Variants in AP1B1 observed in about 807,000 individuals in gnomAD.
The protein encoded by AP1B1 is AP-1 complex subunit beta-1.
A neutral mutation model predicts 104.3 loss-of-function variants in AP1B1; 36 were observed. The observed-to-expected ratio is 0.35, with a 90% CI of 0.26 to 0.46. AP1B1 has a LOEUF of 0.46. AP1B1 is among the 20% of genes least tolerant of loss of function. The probability of loss-of-function intolerance (pLI) is 1.00; values close to 1 mark genes in which losing one functional copy is unlikely to be tolerated. For synonymous variants in AP1B1, 504 were observed against 517.5 expected, an observed-to-expected ratio of 0.97 and a Z score of 0.35; for missense variants, 901 against 1,247.9, an observed-to-expected ratio of 0.72 and a Z score of 4.19.
chr22:29,354,024 C>T (rs371462138), intron 7 of AP1B1, among the ~76,000 whole-genome samples: 11 of 152,336 alleles, frequency 7.2e-5, no homozygotes, highest in African/African-American at 2.6e-4. Context: ...GCCTACCCCC[C>T]ACTACCATAC....
Position 29,328,956 on chromosome 22 carries a change from GA to G in AP1B1, c.2776-62del. ...CATCCCTGGGGTTCCTCTCAGGAAG[GA>G]AAGGGGTGGGGAAGAGAGCAGGAAC... is the stretch of plus-strand genomic sequence containing the variant. On this transcript the variant is annotated intron_variant, in intron 22 of 22. Transcript: ENST00000357586. The surrounding 1 kb of genome is among the most constrained non-coding windows in gnomAD (Gnocchi z 4.1). 2 of 1,570,810 alleles carry G rather than the reference GA, an allele frequency of 1.3e-6. No homozygotes were observed. Among genetic ancestry groups the G allele is most frequent in the Non-Finnish European group, 1.7e-6 (2 of 1,161,132 alleles).
chr22:29,338,862 TG>T, intron 16 of AP1B1, 127 bp downstream of exon 16: 2 of 1,340,632 alleles, frequency 1.5e-6, no homozygotes, highest in Non-Finnish European at 2.0e-6. Flanking sequence ...GGTGCCCCTG[TG>T]GCCCCCAGCT....
At chr22:29,330,978 A>G (rs2061549231) in intron 19 of AP1B1, among the ~76,000 whole-genome samples, 2 of 152,100 alleles carry the variant, frequency 1.3e-5, no homozygotes, top group South Asian at 2.1e-4. Flanking sequence ...CTCCTCGGTG[A>G]GCAGCCTGCT....
intron 14 of AP1B1, among the ~76,000 whole-genome samples, chr22:29,340,403 G>C (rs1478820177): frequency 6.6e-6 from 1 of 152,122 alleles, no homozygotes; most frequent in Non-Finnish European, 1.5e-5. Flanking sequence ...GGACTCGAAG[G>C]TTCAACAAGG....
At chr22:29,333,911 A>C (rs1219684645) in intron 17 of AP1B1, among the ~76,000 whole-genome samples, 1 of 147,704 alleles carries the variant, frequency 6.8e-6, no homozygotes, top group Non-Finnish European at 1.5e-5. Flanking sequence ...TAAAAATACA[A>C]AAAATTAGCC....
Position 29,338,971 on chromosome 22 carries a change from C to G in AP1B1, c.2163+19G>C, listed in dbSNP as rs1486937461. ...TAACTTCTCTCTGCTCCCGCCAAGA[C>G]AGAAGACAAGTGACTTACTGCTTTG... On this transcript the variant is annotated intron_variant, in intron 16 of 22. Coordinates refer to ENST00000357586, the MANE Select transcript of AP1B1 (RefSeq NM_001127.4). 2 of 1,613,912 alleles carry G rather than the reference C, an allele frequency of 1.2e-6. No homozygotes were observed. The highest frequency in any genetic ancestry group is 2.2e-5 in the East Asian group (1 of 44,888).
At chr22:29,350,774 C>A (rs575263434) in intron 9 of AP1B1, among the ~76,000 whole-genome samples, 1 of 152,144 alleles carries the variant, frequency 6.6e-6, no homozygotes, top group African/African-American at 2.4e-5. Context: ...TCTAGAGTGG[C>A]CCTGGGACGC....
intron 19 of AP1B1, 31 bp downstream of exon 19, chr22:29,331,418 A>G (rs2061555479): frequency 6.2e-7 from 1 of 1,608,914 alleles, no homozygotes; most frequent in Non-Finnish European, 8.5e-7. Context: ...GCCCCATTTC[A>G]GGCACCCCAG....
At chr22:29,388,222 G>A (rs976642416) in intron 1 of AP1B1, among the ~76,000 whole-genome samples, 15 of 152,138 alleles carry the variant, frequency 9.9e-5, no homozygotes, top group African/African-American at 3.6e-4. Flanking sequence ...TGGGGCGGCC[G>A]AGGAACAGGC....
intron 8 of AP1B1, 97 bp downstream of exon 8, chr22:29,351,608 A>T: frequency 6.7e-7 from 1 of 1,492,340 alleles, no homozygotes; most frequent in Non-Finnish European, 9.1e-7. Context: ...ATAAACCGTT[A>T]ATGGTGAGAC....
At chr22:29,387,981 T>C (rs2062557734) in intron 1 of AP1B1, among the ~76,000 whole-genome samples, 1 of 152,226 alleles carries the variant, frequency 6.6e-6, no homozygotes, top group East Asian at 1.9e-4. Flanking sequence ...AGCCAGTGCC[T>C]AGCCGGAGGC....
rs956602388 is a variant in AP1B1, at chr22:29,329,209, G to A, written c.2776-314C>T. On this transcript the variant is annotated intron_variant, in intron 22 of 22. Coordinates refer to ENST00000357586, the MANE Select transcript of AP1B1 (RefSeq NM_001127.4). ...CCGGCCCCCACCCTGAGGGCTGCCC[G>A]GCCCCCCAGAGTCCCTGAAGGTCTG... 2.3e-5 allele frequency: 28 copies of A among 1,224,662 alleles called. No homozygotes were observed. The African/African-American group carries it at 3.0e-4, about 13-fold the overall frequency. 75.9% of individuals were successfully genotyped at this position (1,224,662 alleles called of 1,614,324 possible).
intron 16 of AP1B1, among the ~76,000 whole-genome samples, chr22:29,335,277 G>A (rs962394496): frequency 4.6e-5 from 7 of 152,218 alleles, no homozygotes; most frequent in African/African-American, 9.6e-5. Context: ...TCCTGTGGAC[G>A]GCTCACAGGC....
intron 21 of AP1B1, chr22:29,330,149 A>T (rs1224430603): frequency 5.6e-6 from 8 of 1,428,246 alleles, no homozygotes; most frequent in Non-Finnish European, 7.3e-6. Flanking sequence ...AATTTTACAC[A>T]ATCTTCTAGT....
chr22:29,360,510 C>T (rs931394983), intron 3 of AP1B1, among the ~76,000 whole-genome samples: 3 of 152,190 alleles, frequency 2.0e-5, no homozygotes, highest in African/African-American at 7.2e-5. Context: ...CAGGATGGCT[C>T]ATGCTGCTTT....
chr22:29,365,326 A>T (rs1002608896), intron 2 of AP1B1, among the ~76,000 whole-genome samples: 1 of 152,102 alleles, frequency 6.6e-6, no homozygotes, highest in African/African-American at 2.4e-5. Flanking sequence ...TCCCAAAAGA[A>T]ATCCACTAAA....
chr22:29,328,807 C>T lies in AP1B1; in HGVS notation c.*14G>A, dbSNP rs377604350. 874 of 1,599,558 alleles carry T rather than the reference C, an allele frequency of 5.5e-4. No individual in the cohort carries two copies. The highest frequency in any genetic ancestry group is 6.8e-4 in the Non-Finnish European group (794 of 1,175,772). On this transcript the variant is annotated 3_prime_UTR_variant, in exon 23 of 23. Coordinates refer to ENST00000357586, the MANE Select transcript of AP1B1 (RefSeq NM_001127.4). This position sits in a 1 kb window ranked among gnomAD's most constrained non-coding sequence, Gnocchi z 4.1. ...GGGGCGGGCAGAAGGCTGGGGTGGG[C>T]GCTGGCCGGGGTCTCAGTTCTTGAG... is the stretch of plus-strand genomic sequence containing the variant.
intron 8 of AP1B1, 124 bp from the exon 9 acceptor site, chr22:29,351,390 G>A (rs1164450340): frequency 6.0e-6 from 7 of 1,159,426 alleles, no homozygotes; most frequent in Non-Finnish European, 7.8e-6. Flanking sequence ...GCTCCAGGTA[G>A]AAGGCCCAAG....
intron 16 of AP1B1, among the ~76,000 whole-genome samples, chr22:29,335,742 G>C (rs2061628819): frequency 1.3e-5 from 2 of 152,144 alleles, no homozygotes; most frequent in Admixed American, 1.3e-4. Context: ...GCTTGCCCCT[G>C]CCCCTGGGAC....
Sources: allele counts gnomAD v4.1 joint callset (sites outside exome capture counted in the v4.1 genomes callset), GRCh38; gene constraint gnomAD v4.1.1; non-coding constraint Gnocchi (gnomAD v3.1); transcripts MANE v1.5; gene names NCBI Gene and HGNC (gene_info 2026-07-23, HGNC 2026-07-21).